RABGAP1: variants seen among roughly 807,000 people sequenced by gnomAD.
RABGAP1 encodes the protein rab GTPase-activating protein 1.
A neutral mutation model predicts 137.6 loss-of-function variants in RABGAP1; 23 were observed. The ratio of observed to expected loss-of-function variants is 0.17; its 90% CI spans 0.12 to 0.24. The LOEUF is 0.24. Among genes scored for constraint, RABGAP1 ranks in the 10% least tolerant of loss-of-function variants. The pLI, the probability that RABGAP1 is intolerant of heterozygous loss-of-function variation, is 1.00. For synonymous variants in RABGAP1, 451 were observed against 450.7 expected, an observed-to-expected ratio of 1.00 and a Z score of -0.01; for missense variants, 906 against 1,275.8, an observed-to-expected ratio of 0.71 and a Z score of 4.42.
chr9:123,018,006 T>C (rs1011988071), intron 12 of RABGAP1, among the ~76,000 whole-genome samples: 3 of 152,232 alleles, frequency 2.0e-5, no homozygotes, highest in African/African-American at 7.2e-5. Flanking sequence ...TTTTTTTGTT[T>C]GTTTTTTGAG....
At chr9:123,080,135 C>G (rs2034661683) in intron 19 of RABGAP1, among the ~76,000 whole-genome samples, 1 of 152,106 alleles carries the variant, frequency 6.6e-6, no homozygotes, top group Non-Finnish European at 1.5e-5. Flanking sequence ...TCCTTTATTT[C>G]CATATATGGA....
At chr9:122,933,546 C>T in the RABGAP1 span, among the ~76,000 whole-genome samples, 2 of 151,682 alleles carry the variant, frequency 1.3e-5, no homozygotes, top group South Asian at 2.1e-4. Context: ...CTTCGCCTCC[C>T]GGGTTCAAGT....
chr9:122,935,111 A>G, the RABGAP1 span, among the ~76,000 whole-genome samples: 2 of 152,048 alleles, frequency 1.3e-5, no homozygotes, highest in Non-Finnish European at 2.9e-5. Flanking sequence ...TGATTTTTTT[A>G]TCATGAAACG....
chr9:123,020,572 T>C, intron 13 of RABGAP1, 113 bp downstream of exon 13: 1 of 1,086,124 alleles, frequency 9.2e-7, no homozygotes, highest in South Asian at 3.4e-5. Flanking sequence ...TATTTAAGAA[T>C]AGAACTGTTA....
At chr9:122,947,173 T>A (rs373576111) in intron 1 of RABGAP1, among the ~76,000 whole-genome samples, 2 of 152,192 alleles carry the variant, frequency 1.3e-5, no homozygotes, top group South Asian at 4.1e-4. Flanking sequence ...TTAGGGAAAT[T>A]GTGACACATG....
chr9:123,013,372 C>T (rs2030972917), intron 11 of RABGAP1, among the ~76,000 whole-genome samples: 1 of 151,452 alleles, frequency 6.6e-6, no homozygotes, highest in Non-Finnish European at 1.5e-5. Flanking sequence ...CGCTGTGTCA[C>T]CCAGACAGGA....
rs1471535125 is a variant in RABGAP1 at position 123,070,303 on chromosome 9, A to G, written c.1909-47A>G. 1 of 1,612,246 alleles carries G rather than the reference A, an allele frequency of 6.2e-7. No individual in the cohort carries two copies. Among genetic ancestry groups the G allele is most frequent in the East Asian group, 2.2e-5 (1 of 44,844 alleles). On this transcript the variant is annotated intron_variant, in intron 14 of 25. Coordinates refer to ENST00000373647, the MANE Select transcript of RABGAP1 (RefSeq NM_012197.4). The surrounding 1 kb of genome is among the most constrained non-coding windows in gnomAD (Gnocchi z 4.4). The stretch of plus-strand genomic sequence containing the variant: ...GTCCTATAGTGCCACCATGGCCCAC[A>G]AGTGGCTACATTCATTTACATTTCC...
At chr9:123,018,019 G>A (rs560345984) in intron 12 of RABGAP1, among the ~76,000 whole-genome samples, 133 of 152,092 alleles carry the variant, frequency 8.7e-4, no homozygotes, top group Non-Finnish European at 1.2e-3. Context: ...TTTTTGAGAC[G>A]GAGTCTCGCT....
At chr9:122,987,022 A>C (rs1836407707) in intron 4 of RABGAP1, among the ~76,000 whole-genome samples, 2 of 152,250 alleles carry the variant, frequency 1.3e-5, no homozygotes, top group African/African-American at 4.8e-5. Flanking sequence ...CTATAGTCCC[A>C]GCTACTCAGG....
At chr9:122,950,284 G>T (rs1168328583) in intron 1 of RABGAP1, among the ~76,000 whole-genome samples, 1 of 150,858 alleles carries the variant, frequency 6.6e-6, no homozygotes, top group Non-Finnish European at 1.5e-5. Flanking sequence ...ATATGTTTTA[G>T]AACTAAAATC....
At chr9:122,964,375 AGT>A (rs1322554178) in intron 2 of RABGAP1, among the ~76,000 whole-genome samples, 2 of 152,226 alleles carry the variant, frequency 1.3e-5, no homozygotes, top group Non-Finnish European at 2.9e-5. Context: ...ACCATGATCA[AGT>A]GGGAGTTATT....
intron 13 of RABGAP1, among the ~76,000 whole-genome samples, chr9:123,028,316 A>C (rs1189454433): frequency 2.0e-5 from 3 of 152,224 alleles, no homozygotes; most frequent in African/African-American, 7.2e-5. Context: ...TATGCCCATA[A>C]ATAAAATAAA....
chr9:122,981,197 G>A (rs1836034310), intron 2 of RABGAP1, among the ~76,000 whole-genome samples: 1 of 151,942 alleles, frequency 6.6e-6, no homozygotes, highest in Admixed American at 6.6e-5. Flanking sequence ...GTTGATTTTT[G>A]TATTTTTTAG....
chr9:122,963,616 A>G (rs1018656686), intron 2 of RABGAP1, among the ~76,000 whole-genome samples: 6 of 152,232 alleles, frequency 3.9e-5, no homozygotes, highest in Non-Finnish European at 8.8e-5. Flanking sequence ...GATACAGCTT[A>G]AACAGTTCTA....
At chr9:123,084,123 A>G (rs2034796722) in intron 19 of RABGAP1, among the ~76,000 whole-genome samples, 3 of 152,384 alleles carry the variant, frequency 2.0e-5, no homozygotes, top group Non-Finnish European at 2.9e-5. Flanking sequence ...GATATGATCT[A>G]TGATAGAGTA....
At chr9:122,997,076 C>T in intron 8 of RABGAP1, 183 bp from the exon 9 acceptor site, 1 of 591,420 alleles carries the variant, frequency 1.7e-6, no homozygotes, top group Non-Finnish European at 3.0e-6. Context: ...ATACATATAA[C>T]TTCAGGACAG....
intron 13 of RABGAP1, among the ~76,000 whole-genome samples, chr9:123,044,280 G>A (rs952308944): frequency 2.0e-5 from 3 of 152,174 alleles, no homozygotes; most frequent in Admixed American, 6.5e-5. Flanking sequence ...AAGGGAAATC[G>A]GGAAGGAGGC....
intron 12 of RABGAP1, 64 bp downstream of exon 12, chr9:123,015,700 C>G (rs1186085719): frequency 8.7e-7 from 1 of 1,149,800 alleles, no homozygotes; most frequent in Non-Finnish European, 1.3e-6. Context: ...AGAATCTTAC[C>G]TAACTATAAT....
intron 4 of RABGAP1, among the ~76,000 whole-genome samples, chr9:122,987,880 T>C (rs899282001): frequency 4.6e-5 from 7 of 152,226 alleles, no homozygotes; most frequent in African/African-American, 1.7e-4. Flanking sequence ...TCTAGAAATA[T>C]TGATCTAGTT....
Sources: gnomAD v4.1 joint callset for allele counts (sites outside exome capture counted in the v4.1 genomes callset) on GRCh38, gnomAD v4.1.1 for gene constraint, Gnocchi (gnomAD v3.1) non-coding constraint, MANE v1.5 for transcripts, NCBI Gene and HGNC (gene_info 2026-07-23, HGNC 2026-07-21) for gene names.